FRK: variants seen among roughly 807,000 people sequenced by gnomAD.
The protein encoded by FRK is fyn related Src family tyrosine kinase.
FRK carries 51 observed loss-of-function variants against 56.4 expected under a neutral mutation model. The ratio of observed to expected loss-of-function variants is 0.90; its 90% CI spans 0.72 to 1.14. FRK has a LOEUF of 1.14. Among genes scored for constraint, FRK ranks in the 50% most tolerant of loss-of-function variants. The pLI is 0.00. For synonymous variants in FRK, 245 were observed against 217.9 expected (o/e 1.12, Z -1.10); for missense variants, 570 against 601.4 (o/e 0.95, Z 0.55).
intron 2 of FRK, among the ~76,000 whole-genome samples, chr6:115,982,721 A>G (rs1226331386): frequency 3.9e-5 from 6 of 152,132 alleles, no homozygotes; most frequent in Non-Finnish European, 8.8e-5. Flanking sequence ...CCAATGAAAG[A>G]TGGGCCAACA....
At chr6:116,010,790 G>A (rs1775434733) in intron 1 of FRK, among the ~76,000 whole-genome samples, 1 of 152,196 alleles carries the variant, frequency 6.6e-6, no homozygotes, top group Non-Finnish European at 1.5e-5. Flanking sequence ...ACACATTCAT[G>A]CTCAATAAAT....
In FRK at chr6:115,957,812, G is replaced by C. The variant is rs73560598; in HGVS notation, c.800-1202C>G. On this transcript the variant is annotated intron_variant, in intron 4 of 7. Coordinates refer to ENST00000606080, the MANE Select transcript of FRK (RefSeq NM_002031.3). ...TAGTGCCCTGTGTGATCTTGAGCAA[G>C]TTATCAAACCTCTCTAAACTTCAGT... Among the ~76,000 whole-genome samples, 888 of 152,264 alleles carry C rather than the reference G, an allele frequency of 5.8e-3. 6 individuals are homozygous for C. Among genetic ancestry groups the C allele is most frequent in the African/African-American group, 0.02 (840 of 41,554 alleles).
rs201753000 is a variant in FRK at position 115,943,138 on chromosome 6, C to A, written c.1188G>T (p.Pro396=). 1.7e-5 allele frequency: 27 copies of A among 1,612,630 alleles called. No homozygotes were observed. In the East Asian group the frequency reaches 2.9e-4, roughly 17 times the overall value. ...TGGCTTCGGGCGCAGTCCACTTCAC[C>A]GGCAGCTTTATTTCGTGTCTAGATT... ...IYESRHEIKL[P]VKWTAPEAIR... Residue 396 remains proline, a synonymous_variant, in exon 7 of 8, where the codon CCG becomes CCT. Transcript: ENST00000606080.
At chr6:116,072,055 A>G in the FRK span, among the ~76,000 whole-genome samples, 1 of 152,196 alleles carries the variant, frequency 6.6e-6, no homozygotes, top group Non-Finnish European at 1.5e-5. Context: ...ACAGCCTGTA[A>G]CCTAAATAGA....
chr6:115,973,330 T>C (rs542698131), intron 2 of FRK, among the ~76,000 whole-genome samples: 1 of 152,244 alleles, frequency 6.6e-6, no homozygotes, highest in East Asian at 1.9e-4. Context: ...ACACCGCATG[T>C]TCTCACTCAT....
intron 1 of FRK, among the ~76,000 whole-genome samples, chr6:116,028,362 A>G (rs1466076244): frequency 6.6e-6 from 1 of 152,114 alleles, no homozygotes; most frequent in Non-Finnish European, 1.5e-5. Context: ...TTTTCTTAAC[A>G]TAGGGTGTGG....
intron 2 of FRK, among the ~76,000 whole-genome samples, chr6:115,973,614 A>C (rs1773888164): frequency 1.3e-5 from 2 of 152,228 alleles, no homozygotes; most frequent in Admixed American, 1.3e-4. Context: ...TCATGCCTGT[A>C]ATCCCAGCAC....
At chr6:115,958,033 A>G (rs1014683277) in intron 4 of FRK, among the ~76,000 whole-genome samples, 2 of 152,208 alleles carry the variant, frequency 1.3e-5, no homozygotes, top group African/African-American at 4.8e-5. Context: ...AAGGACAAGG[A>G]CTTAAAGAGA....
intron 1 of FRK, among the ~76,000 whole-genome samples, chr6:116,036,624 C>T (rs552208946): frequency 1.3e-5 from 2 of 152,186 alleles, no homozygotes; most frequent in East Asian, 3.9e-4. Flanking sequence ...GCAAAGATTC[C>T]TGAGAGATAG....
chr6:116,029,903 A>AT (rs1175087712), intron 1 of FRK, among the ~76,000 whole-genome samples: 2 of 151,876 alleles, frequency 1.3e-5, no homozygotes, highest in African/African-American at 2.4e-5. Context: ...TTTAAGGAAA[A>AT]TTTTTTCCAA....
At chr6:116,100,628 C>T in the FRK span, among the ~76,000 whole-genome samples, 3 of 152,210 alleles carry the variant, frequency 2.0e-5, no homozygotes, top group Non-Finnish European at 2.9e-5. Flanking sequence ...CCCCTACTGC[C>T]TTCTGGGCTC....
rs528559234 is a variant in FRK, at chr6:116,054,315, G to T, written c.344+5653C>A. 4.0e-5 allele frequency among the ~76,000 whole-genome samples: 6 copies of T among 149,480 alleles called. 1 individual carries two copies. The highest frequency in any genetic ancestry group is 3.3e-4 in the Admixed American group (5 of 14,940). Reference sequence around the variant, plus strand: ...CTCATGGCATTTAAATATGCTTTTGGTTGACTTAAATGATTTGTGCTAAAA... The same window carrying T: ...CTCATGGCATTTAAATATGCTTTTGTTTGACTTAAATGATTTGTGCTAAAA... On this transcript the variant is annotated intron_variant, in intron 1 of 7. Coordinates refer to ENST00000606080, the MANE Select transcript of FRK (RefSeq NM_002031.3).
rs1006978145 is a variant in FRK, at chr6:115,934,656, T to C, written c.*7758A>G. The stretch of plus-strand genomic sequence containing the variant: ...AATTTACTTCTTGTTTAATCTACTT[T>C]GAATTTGGGTTTCTGTAACTGTTTA... On this transcript the variant is annotated 3_prime_UTR_variant, in exon 8 of 8. Coordinates refer to ENST00000606080, the MANE Select transcript of FRK (RefSeq NM_002031.3). 3 of 152,224 alleles carry C rather than the reference T, an allele frequency of 2.0e-5. No homozygotes were observed. The highest frequency in any genetic ancestry group is 7.2e-5 in the African/African-American group (3 of 41,462). 9.4% of individuals were successfully genotyped at this position (152,224 alleles called of 1,614,324 possible).
chr6:116,045,041 C>G (rs551143479), intron 1 of FRK, among the ~76,000 whole-genome samples: 107 of 152,294 alleles, frequency 7.0e-4, no homozygotes, highest in African/African-American at 2.4e-3. Context: ...TGAAGGACCT[C>G]TTCAAGGAGA....
At chr6:116,038,453 A>C (rs1271603731) in intron 1 of FRK, among the ~76,000 whole-genome samples, 4 of 152,110 alleles carry the variant, frequency 2.6e-5, no homozygotes, top group Admixed American at 6.5e-5. Flanking sequence ...AAGGAAGAAA[A>C]TAAGCCAGAC....
intron 1 of FRK, among the ~76,000 whole-genome samples, chr6:116,051,213 T>G (rs1324169652): frequency 6.6e-6 from 1 of 152,154 alleles, no homozygotes; most frequent in Non-Finnish European, 1.5e-5. Context: ...ACGTTCCTAT[T>G]AATTTACTGA....
At chr6:115,953,253 G>C (rs2114546501) in intron 5 of FRK, among the ~76,000 whole-genome samples, 1 of 136,966 alleles carries the variant, frequency 7.3e-6, no homozygotes, top group South Asian at 2.5e-4. Context: ...GCAGTGGCGG[G>C]ATCTCGGCTC....
At chr6:116,070,782 A>G in the FRK span, among the ~76,000 whole-genome samples, 1 of 152,146 alleles carries the variant, frequency 6.6e-6, no homozygotes, top group East Asian at 1.9e-4. Flanking sequence ...AAAGAAAACA[A>G]TTCTTATGCC....
chr6:116,049,689 G>A (rs1253100773), intron 1 of FRK, among the ~76,000 whole-genome samples: 3 of 152,118 alleles, frequency 2.0e-5, no homozygotes, highest in Non-Finnish European at 4.4e-5. Context: ...CTGCAAATGG[G>A]GGTAATAAAA....
Sources: allele counts gnomAD v4.1 joint callset (sites outside exome capture counted in the v4.1 genomes callset), GRCh38; gene constraint gnomAD v4.1.1; transcripts MANE v1.5; gene names NCBI Gene and HGNC (gene_info 2026-07-23, HGNC 2026-07-21).